The following PARP8 variants were observed in gnomAD, a reference collection of about 807,000 sequenced individuals.
The protein encoded by PARP8 is protein mono-ADP-ribosyltransferase PARP8.
In PARP8, 51 loss-of-function variants were observed where a neutral mutation model predicts 124.1. That is an observed-to-expected ratio of 0.41 (90% CI 0.33 to 0.52). The LOEUF (loss-of-function observed/expected upper bound fraction) is 0.52, where lower values mean the gene tolerates loss of function less well. Among genes scored for constraint, PARP8 ranks in the 20% least tolerant of loss-of-function variants. The pLI is 0.21. For missense variants in PARP8, 860 were observed against 1,018.9 expected, an observed-to-expected ratio of 0.84 and a Z score of 2.12; for synonymous variants, 391 against 361.5, an observed-to-expected ratio of 1.08 and a Z score of -0.93.
intron 2 of PARP8, among the ~76,000 whole-genome samples, chr5:50,678,997 TA>T (rs1053719981): frequency 2.6e-5 from 4 of 152,196 alleles, no homozygotes; most frequent in African/African-American, 7.2e-5. Context: ...TTTTTCAGTT[TA>T]AAATGATATT....
chr5:50,822,843 C>T (rs1217521383), intron 17 of PARP8, among the ~76,000 whole-genome samples: 2 of 152,068 alleles, frequency 1.3e-5, no homozygotes, highest in Admixed American at 6.6e-5. Context: ...ATGCCAGGCT[C>T]CCGGAGAGTA....
At chr5:50,815,930 T>G (rs1745051860) in intron 15 of PARP8, among the ~76,000 whole-genome samples, 1 of 152,140 alleles carries the variant, frequency 6.6e-6, no homozygotes, top group East Asian at 1.9e-4. Context: ...AAGAGAACAT[T>G]CAGTTTTACA....
chr5:50,691,178 G>A (rs780557674), intron 2 of PARP8, among the ~76,000 whole-genome samples: 1 of 152,036 alleles, frequency 6.6e-6, no homozygotes, highest in Non-Finnish European at 1.5e-5. Context: ...CATAAAATTC[G>A]ATAAACATAC....
chr5:50,797,446 A>G (rs762339571), intron 14 of PARP8, among the ~76,000 whole-genome samples: 1 of 152,182 alleles, frequency 6.6e-6, no homozygotes, highest in Non-Finnish European at 1.5e-5. Context: ...TTCTTATTAT[A>G]TTTTTTACAT....
intron 2 of PARP8, among the ~76,000 whole-genome samples, chr5:50,681,294 T>C (rs917587404): frequency 6.6e-6 from 1 of 152,184 alleles, no homozygotes; most frequent in African/African-American, 2.4e-5. Context: ...TGAAGATTTT[T>C]TTGGCCTTGT....
At chr5:50,766,571 T>TC (rs1561349734) in intron 7 of PARP8, among the ~76,000 whole-genome samples, 1 of 152,238 alleles carries the variant, frequency 6.6e-6, no homozygotes, top group Admixed American at 6.5e-5. Context: ...TATCATGCCA[T>TC]CTTTCATTTA....
chr5:50,818,202 T>A (rs1330371884), intron 15 of PARP8, among the ~76,000 whole-genome samples: 1 of 99,706 alleles, frequency 1.0e-5, no homozygotes, highest in Non-Finnish European at 1.9e-5. Flanking sequence ...AAAAAAGAAG[T>A]CATAGTTGTG....
intron 2 of PARP8, among the ~76,000 whole-genome samples, chr5:50,719,835 C>T (rs1384631914): frequency 2.6e-5 from 4 of 151,924 alleles, no homozygotes; most frequent in Non-Finnish European, 4.4e-5. Flanking sequence ...AAAGAATACC[C>T]GTTGGTAACA....
chr5:50,688,090 C>G (rs1454227174), intron 2 of PARP8, among the ~76,000 whole-genome samples: 2 of 152,182 alleles, frequency 1.3e-5, no homozygotes, highest in Non-Finnish European at 2.9e-5. Context: ...CTCAGGGGAT[C>G]TTCCTACCTT....
At chr5:50,736,418 C>A (rs186627723) in intron 2 of PARP8, among the ~76,000 whole-genome samples, 1 of 152,178 alleles carries the variant, frequency 6.6e-6, no homozygotes, top group East Asian at 1.9e-4. Context: ...ATTTTAGTTA[C>A]CTCTAACTTT....
chr5:50,835,561 A>G (rs1460764663), intron 25 of PARP8, among the ~76,000 whole-genome samples: 2 of 152,152 alleles, frequency 1.3e-5, no homozygotes, highest in African/African-American at 4.8e-5. Context: ...AGAAAAAAGA[A>G]AAACACCATC....
At chr5:50,772,435 C>G (rs756240863) in intron 7 of PARP8, among the ~76,000 whole-genome samples, 1 of 152,186 alleles carries the variant, frequency 6.6e-6, no homozygotes, top group African/African-American at 2.4e-5. Flanking sequence ...CATACATTTT[C>G]CATAATGGCT....
At position 50,678,893 on chromosome 5, in the gene PARP8, A is replaced by G. The variant is rs193194636; in HGVS notation, c.146+10768A>G. ...TATTACTATTCATAGCATTAGCCCA[A>G]TTCTTGTTGTGAGCAACATGAACAA... On this transcript the variant is annotated intron_variant, in intron 2 of 25. Coordinates refer to ENST00000281631, the MANE Select transcript of PARP8 (RefSeq NM_024615.4). Among the ~76,000 whole-genome samples, 332 of 152,292 alleles carry G rather than the reference A, an allele frequency of 2.2e-3. 1 individual carries two copies. The highest frequency in any genetic ancestry group is 4.0e-3 in the Non-Finnish European group (273 of 68,004).
Position 50,750,167 on chromosome 5 carries a change from C to A in PARP8, c.163C>A (p.His55Asn). 1 of 1,588,498 alleles carries A rather than the reference C, an allele frequency of 6.3e-7. No individual in the cohort carries two copies. The highest frequency in any genetic ancestry group is 8.6e-7 in the Non-Finnish European group (1 of 1,157,922). Residue 55 changes from histidine (H) to asparagine (N), a missense_variant, in exon 3 of 26, where the codon CAT (histidine) becomes AAT (asparagine). Transcript: ENST00000281631. ...TTTTAACAGTGTATCCTACTCAGTA[C>A]ATGTATCTGAAGATTACCCAGGTAT... Reference protein sequence around the residue: ...GGPRSVSYSVHVSEDYPDNTY... With the variant: ...GGPRSVSYSVNVSEDYPDNTY...
At chr5:50,763,881 T>G (rs914051396) in intron 7 of PARP8, among the ~76,000 whole-genome samples, 7 of 152,234 alleles carry the variant, frequency 4.6e-5, no homozygotes, top group Non-Finnish European at 1.0e-4. Context: ...TTGCCTACAC[T>G]GTAGTCTTGA....
chr5:50,685,040 A>G (rs1205495045), intron 2 of PARP8, among the ~76,000 whole-genome samples: 4 of 152,174 alleles, frequency 2.6e-5, no homozygotes, highest in Non-Finnish European at 4.4e-5. Context: ...TGCAGATTTT[A>G]TGATATTCCT....
Position 50,748,896 on chromosome 5 carries a change from C to A in PARP8, c.147-1255C>A, listed in dbSNP as rs146364348. On this transcript the variant is annotated intron_variant, in intron 2 of 25. Transcript: ENST00000281631. ...TTCACTCAAATTGGGAAATTTTTAG[C>A]TCTTCTTGATATTTTCTGCATTATT... is the stretch of plus-strand genomic sequence containing the variant. 1.8e-3 allele frequency among the ~76,000 whole-genome samples: 271 copies of A among 152,190 alleles called. 1 individual carries two copies. The highest frequency in any genetic ancestry group is 6.2e-3 in the African/African-American group (259 of 41,538).
At chr5:50,670,363 C>G (rs1467766228) in intron 2 of PARP8, among the ~76,000 whole-genome samples, 1 of 152,160 alleles carries the variant, frequency 6.6e-6, no homozygotes, top group Non-Finnish European at 1.5e-5. Flanking sequence ...AATTTTAATT[C>G]AAGTTGTAGA....
At chr5:50,743,059 A>C (rs1487951994) in intron 2 of PARP8, among the ~76,000 whole-genome samples, 2 of 152,134 alleles carry the variant, frequency 1.3e-5, no homozygotes, top group African/African-American at 4.8e-5. Context: ...AAAGTGGGAC[A>C]TGGGGGTTTG....
Sources: allele counts gnomAD v4.1 joint callset (sites outside exome capture counted in the v4.1 genomes callset), GRCh38; gene constraint gnomAD v4.1.1; transcripts MANE v1.5; gene names NCBI Gene and HGNC (gene_info 2026-07-23, HGNC 2026-07-21).